The following ABCB7 variants were observed in gnomAD, a reference collection of about 807,000 sequenced individuals.
ABCB7 encodes the protein ATP binding cassette subfamily B member 7.
In ABCB7, 7 loss-of-function variants were observed where a neutral mutation model predicts 54.4. That is an observed-to-expected ratio of 0.13 (90% confidence interval 0.07 to 0.24). The LOEUF (loss-of-function observed/expected upper bound fraction) is 0.24, where lower values mean the gene tolerates loss of function less well. ABCB7 is among the 10% of genes least tolerant of loss of function. The pLI is 1.00. For synonymous variants in ABCB7, 218 were observed against 207.1 expected, an observed-to-expected ratio of 1.05 and a Z score of -0.45; for missense variants, 356 against 570.4, an observed-to-expected ratio of 0.62 and a Z score of 3.83.
chrX:75,109,154 G>C (rs2081733857), intron 3 of ABCB7, among the ~76,000 whole-genome samples: 1 of 112,007 alleles, frequency 8.9e-6, no homozygotes, highest in Admixed American at 9.4e-5. Flanking sequence ...TGAATTGACA[G>C]TGCTCAATTT....
intron 12 of ABCB7, 117 bp downstream of exon 12, chrX:75,068,890 G>T: frequency 2.3e-6 from 2 of 881,927 alleles, no homozygotes; most frequent in East Asian, 3.1e-5. Flanking sequence ...CACTGGTAGG[G>T]TCTAATACTG....
chrX:75,143,069 T>C (rs2082065946), intron 1 of ABCB7, among the ~76,000 whole-genome samples: 1 of 112,481 alleles, frequency 8.9e-6, no homozygotes, highest in Non-Finnish European at 1.9e-5. Flanking sequence ...ACAATAGGTT[T>C]ATTTAAATAG....
intron 11 of ABCB7, 53 bp from the exon 12 acceptor site, chrX:75,069,189 C>T (rs187792433): frequency 1.7e-4 from 203 of 1,199,465 alleles, no homozygotes; most frequent in Non-Finnish European, 2.2e-4. Flanking sequence ...GTTAGGAAAC[C>T]CCAGTTTTAA....
chrX:75,107,111 G>C (rs1476395171), intron 3 of ABCB7, among the ~76,000 whole-genome samples: 1 of 111,336 alleles, frequency 9.0e-6, no homozygotes, highest in African/African-American at 3.3e-5. Context: ...TGTCCTGTTA[G>C]AGCAGAAAGG....
At position 75,053,029 on chromosome X, in the gene ABCB7, G is replaced by C. The variant is rs1371388603; in HGVS notation, c.*341C>G. 4.6e-6 allele frequency: 1 copy of C among 217,977 alleles called. No individual in the cohort carries two copies. Among genetic ancestry groups the C allele is most frequent in the Non-Finnish European group, 8.2e-6 (1 of 122,462 alleles). 18.0% of individuals were successfully genotyped at this position (217,977 alleles called of 1,213,427 possible). ...TTCCCTCTAAATTGTCAGCATAAAGGTTTTAAAAACTATAAAAATTGGGAA... is the reference window on the plus strand; with the variant it reads ...TTCCCTCTAAATTGTCAGCATAAAGCTTTTAAAAACTATAAAAATTGGGAA... On this transcript the variant is annotated 3_prime_UTR_variant, in exon 16 of 16. Transcript: ENST00000373394.
At chrX:75,098,897 T>G in intron 4 of ABCB7, 45 bp downstream of exon 4, 2 of 1,205,570 alleles carry the variant, frequency 1.7e-6, no homozygotes, top group Non-Finnish European at 2.2e-6. Context: ...CTAGAAAATG[T>G]AGTATTTCTT....
At chrX:75,105,832 C>A (rs1222898115) in intron 3 of ABCB7, among the ~76,000 whole-genome samples, 2 of 110,260 alleles carry the variant, frequency 1.8e-5, no homozygotes, top group Non-Finnish European at 3.8e-5. Flanking sequence ...AGAAAGCAAG[C>A]CACATATGTA....
intron 14 of ABCB7, among the ~76,000 whole-genome samples, chrX:75,061,428 TC>T (rs1338801962): frequency 1.8e-5 from 2 of 111,881 alleles, no homozygotes; most frequent in Non-Finnish European, 3.8e-5. Flanking sequence ...TTCCTATTTT[TC>T]CTGTGAATGG....
intron 4 of ABCB7, 97 bp downstream of exon 4, chrX:75,098,845 T>C: frequency 8.8e-7 from 1 of 1,132,092 alleles, no homozygotes; most frequent in Non-Finnish European, 1.2e-6. Context: ...AAGTTGGTCA[T>C]GCTACCCCAA....
At chrX:75,085,891 G>C (rs1475773724) in intron 4 of ABCB7, among the ~76,000 whole-genome samples, 1 of 109,380 alleles carries the variant, frequency 9.1e-6, no homozygotes, top group Non-Finnish European at 1.9e-5. Flanking sequence ...CTGTCGCCTA[G>C]GCTGGAGTGC....
At chrX:75,090,593 G>A (rs1393335359) in intron 4 of ABCB7, among the ~76,000 whole-genome samples, 2 of 107,868 alleles carry the variant, frequency 1.9e-5, no homozygotes, top group African/African-American at 6.7e-5. Flanking sequence ...AAAAAAAAGC[G>A]CAAAAAAAGT....
intron 1 of ABCB7, among the ~76,000 whole-genome samples, chrX:75,137,370 C>CA (rs1176384974): frequency 6.3e-5 from 7 of 111,938 alleles, no homozygotes; most frequent in Admixed American, 3.8e-4. Flanking sequence ...ACTAAAAAGT[C>CA]AAAAAATGAC....
At chrX:75,154,460 G>C (rs2082157848) in intron 1 of ABCB7, among the ~76,000 whole-genome samples, 1 of 111,802 alleles carries the variant, frequency 8.9e-6, no homozygotes, top group Admixed American at 9.5e-5. Context: ...ATTCCCAAGA[G>C]ATCATGTGTT....
chrX:75,147,891 G>A (rs993592386), intron 1 of ABCB7, among the ~76,000 whole-genome samples: 7 of 112,025 alleles, frequency 6.2e-5, no homozygotes, highest in Admixed American at 1.9e-4. Flanking sequence ...CGAGGTGGGC[G>A]GATCACCTGA....
chrX:75,059,753 T>G (rs916200585), intron 15 of ABCB7, among the ~76,000 whole-genome samples: 2 of 111,819 alleles, frequency 1.8e-5, no homozygotes, highest in Non-Finnish European at 3.8e-5. Context: ...GGCTATCTTT[T>G]TTCTTACTTT....
intron 3 of ABCB7, among the ~76,000 whole-genome samples, chrX:75,108,393 G>A (rs1450143659): frequency 1.8e-5 from 2 of 111,570 alleles, no homozygotes; most frequent in Non-Finnish European, 3.8e-5. Flanking sequence ...GCCAGGGAGT[G>A]GTTACAGCAG....
intron 1 of ABCB7, among the ~76,000 whole-genome samples, chrX:75,122,360 G>A (rs1379443436): frequency 1.9e-5 from 2 of 107,702 alleles, no homozygotes; most frequent in East Asian, 2.9e-4. Context: ...AAAAGGGGAG[G>A]TGTGAATAAT....
chrX:75,122,665 A>G lies in ABCB7; in HGVS notation c.169-7834T>C, dbSNP rs2081889999. Among the ~76,000 whole-genome samples, 3 of 112,214 alleles carry G rather than the reference A, an allele frequency of 2.7e-5. No individual in the cohort carries two copies. In the Admixed American group the frequency reaches 2.8e-4, roughly 11 times the overall value. On this transcript the variant is annotated intron_variant, in intron 1 of 15. Transcript: ENST00000373394. ...TGTACAAGGGTTTCCTTTTCACCAC[A>G]TCCTCACCAACACTTGTTATCTCTT... is the stretch of plus-strand genomic sequence containing the variant.
rs2081205071 is a variant in ABCB7, at chrX:75,052,783, AAAAAAACAACAAAAAAC to A, written c.*570_*586del. The A allele has an allele frequency of 9.9e-6, 1 of 100,565 alleles. No homozygotes were observed. The highest frequency in any genetic ancestry group is 1.9e-5 in the Non-Finnish European group (1 of 53,022). 8.3% of individuals were successfully genotyped at this position (100,565 alleles called of 1,213,427 possible). ...ACAGAATGAGAATCTGTCTCAAAAA[AAAAAAACAACAAAAAAC>A]AAAAAACAACAAAACAAAAAAGAAA... On this transcript the variant is annotated 3_prime_UTR_variant, in exon 16 of 16. Transcript: ENST00000373394.
Sources: allele counts gnomAD v4.1 joint callset (sites outside exome capture counted in the v4.1 genomes callset), GRCh38; gene constraint gnomAD v4.1.1; transcripts MANE v1.5; gene names NCBI Gene and HGNC (gene_info 2026-07-23, HGNC 2026-07-21).